The following GNS variants were observed in gnomAD, a reference collection of about 807,000 sequenced individuals.
GNS encodes the protein glucosamine (N-acetyl)-6-sulfatase.
GNS carries 40 observed loss-of-function variants against 69.7 expected under a neutral mutation model. The ratio of observed to expected loss-of-function variants is 0.57; its 90% CI spans 0.45 to 0.75. The LOEUF (loss-of-function observed/expected upper bound fraction) is 0.75. Ranked by LOEUF, GNS falls within the 30% of genes least tolerant of loss-of-function variation. GNS has a pLI of 0.00. For synonymous variants in GNS, 243 were observed against 251.6 expected (o/e 0.97, Z 0.32); for missense variants, 565 against 685.5 (o/e 0.82, Z 1.96).
At chr12:64,720,784 C>T (rs1014429830) in intron 12 of GNS, among the ~76,000 whole-genome samples, 11 of 152,192 alleles carry the variant, frequency 7.2e-5, no homozygotes, top group Non-Finnish European at 1.5e-4. Context: ...GTATGCTGTT[C>T]TCCAAATTGG....
At chr12:64,735,375 A>G (rs1409660811) in intron 9 of GNS, among the ~76,000 whole-genome samples, 1 of 152,226 alleles carries the variant, frequency 6.6e-6, no homozygotes, top group Admixed American at 6.5e-5. Context: ...CAGTACCTCT[A>G]TCTCATCAAC....
intron 9 of GNS, among the ~76,000 whole-genome samples, chr12:64,732,169 G>T (rs71435305): frequency 0.56 from 52,481 of 93,010 alleles, 15,496 homozygotes; most frequent in East Asian, 0.84. Context: ...TTTTTTTGTT[G>T]TTTTTTTTTT....
intron 1 of GNS, among the ~76,000 whole-genome samples, chr12:64,755,678 A>ATTTT (rs760719152): frequency 7.7e-6 from 1 of 129,368 alleles, no homozygotes; most frequent in Non-Finnish European, 1.6e-5. Context: ...AGAGTAAATG[A>ATTTT]TTTTTTTTTT....
At chr12:64,729,478 A>G (rs17100618) in intron 9 of GNS, among the ~76,000 whole-genome samples, 4,396 of 152,322 alleles carry the variant, frequency 0.029, 214 homozygotes, top group African/African-American at 0.1. Flanking sequence ...GAAGGCCTCA[A>G]AAAAGGAATG....
intron 10 of GNS, among the ~76,000 whole-genome samples, chr12:64,724,134 C>T (rs1869119506): frequency 6.6e-6 from 1 of 152,182 alleles, no homozygotes; most frequent in East Asian, 1.9e-4. Context: ...TACTCTAGCT[C>T]TAATAAGCCA....
chr12:64,729,234 A>C (rs983303188), intron 9 of GNS, 177 bp from the exon 10 acceptor site: 9 of 625,318 alleles, frequency 1.4e-5, no homozygotes, highest in Admixed American at 2.6e-5. Context: ...AACTTCAAAC[A>C]AAATATAAAG....
intron 9 of GNS, among the ~76,000 whole-genome samples, chr12:64,734,279 T>G (rs1869493645): frequency 6.6e-6 from 1 of 152,244 alleles, no homozygotes; most frequent in Non-Finnish European, 1.5e-5. Flanking sequence ...TTCCCCAGTG[T>G]ATGTTAGGGG....
At chr12:64,733,136 C>CA (rs1869457355) in intron 9 of GNS, among the ~76,000 whole-genome samples, 2 of 150,310 alleles carry the variant, frequency 1.3e-5, no homozygotes, top group South Asian at 4.2e-4. Flanking sequence ...AAACAAAAAA[C>CA]AAAAAACAAA....
intron 3 of GNS, among the ~76,000 whole-genome samples, chr12:64,747,084 G>T: frequency 6.6e-6 from 1 of 152,188 alleles, no homozygotes; most frequent in East Asian, 1.9e-4. Flanking sequence ...GTGAATGTGG[G>T]CACATGGAAT....
intron 1 of GNS, among the ~76,000 whole-genome samples, chr12:64,754,112 T>C (rs1159203932): frequency 6.6e-6 from 1 of 152,102 alleles, no homozygotes; most frequent in Non-Finnish European, 1.5e-5. Flanking sequence ...AGTAAGACTG[T>C]GTAATAACAT....
intron 10 of GNS, among the ~76,000 whole-genome samples, 168 bp downstream of exon 10, chr12:64,728,788 C>T (rs1305279966): frequency 4.6e-5 from 7 of 152,100 alleles, no homozygotes; most frequent in Admixed American, 3.3e-4. Flanking sequence ...AAACAACTCT[C>T]GATTTCACAT....
Position 64,740,642 on chromosome 12 carries a change from G to A in GNS, c.839C>T (p.Ser280Phe). The A allele has an allele frequency of 6.3e-7, 1 of 1,587,768 alleles. No individual in the cohort carries two copies. Reference sequence around the variant, plus strand: ...TGCATTATCTAAAAACTGTATTGAAGAATTAGTCATTGGAGTCTTGGCTTG... The same window carrying A: ...TGCATTATCTAAAAACTGTATTGAAAAATTAGTCATTGGAGTCTTGGCTTG... ...IRQAKTPMTN[S>F]SIQFLDNAFR... The change falls in exon 7 of 14, where the codon TCT becomes TTT. Residue 280 changes from serine to phenylalanine, a missense_variant. Coordinates refer to ENST00000258145, the MANE Select transcript of GNS (RefSeq NM_002076.4).
At chr12:64,733,033 A>G (rs548037765) in intron 9 of GNS, among the ~76,000 whole-genome samples, 1 of 152,162 alleles carries the variant, frequency 6.6e-6, no homozygotes, top group East Asian at 1.9e-4. Context: ...TCATGCCTGT[A>G]ATGAGGGGAG....
At chr12:64,744,494 C>T (rs916349484) in intron 5 of GNS, among the ~76,000 whole-genome samples, 2 of 152,048 alleles carry the variant, frequency 1.3e-5, no homozygotes, top group Admixed American at 6.5e-5. Flanking sequence ...TGAGTAAAAC[C>T]GGGGTCAAGA....
intron 9 of GNS, among the ~76,000 whole-genome samples, chr12:64,736,280 C>A (rs1010529769): frequency 1.4e-4 from 21 of 152,274 alleles, no homozygotes; most frequent in Middle Eastern, 3.4e-3. Flanking sequence ...ATGGGAAAGA[C>A]AACAGAACAA....
At chr12:64,729,790 T>C (rs1406686963) in intron 9 of GNS, among the ~76,000 whole-genome samples, 1 of 152,212 alleles carries the variant, frequency 6.6e-6, no homozygotes, top group African/African-American at 2.4e-5. Context: ...GGACCCCATA[T>C]GTAATTAAAA....
At chr12:64,756,383 T>C (rs577411045) in intron 1 of GNS, among the ~76,000 whole-genome samples, 1 of 152,316 alleles carries the variant, frequency 6.6e-6, no homozygotes, top group African/African-American at 2.4e-5. Context: ...ATGATGTCAC[T>C]GGCATCCCCG....
intron 3 of GNS, chr12:64,746,049 T>G: frequency 2.5e-6 from 1 of 402,532 alleles, no homozygotes; most frequent in South Asian, 2.5e-5. Context: ...AATTCAAATT[T>G]TAACAGCGAT....
At chr12:64,722,616 C>T (rs549873215) in intron 11 of GNS, among the ~76,000 whole-genome samples, 8 of 152,276 alleles carry the variant, frequency 5.3e-5, no homozygotes, top group East Asian at 1.9e-4. Context: ...GCCTGGCTGC[C>T]GCCAATGCGA....
Sources: gnomAD v4.1 joint callset for allele counts (sites outside exome capture counted in the v4.1 genomes callset) on GRCh38, gnomAD v4.1.1 for gene constraint, MANE v1.5 for transcripts, NCBI Gene and HGNC (gene_info 2026-07-23, HGNC 2026-07-21) for gene names.